BCL6: variants seen among roughly 807,000 people sequenced by gnomAD.
BCL6 encodes B-cell lymphoma 6 protein.
BCL6 carries 7 observed loss-of-function variants against 59.5 expected under a neutral mutation model. The ratio of observed to expected loss-of-function variants is 0.12; its 90% CI spans 0.07 to 0.22. The LOEUF is 0.22. BCL6 is among the 10% of genes least tolerant of loss of function. BCL6 has a pLI of 1.00. For missense variants in BCL6, 685 were observed against 939.4 expected (o/e 0.73, Z 3.54); for synonymous variants, 339 against 349.7 (o/e 0.97, Z 0.34).
Position 187,729,585 on chromosome 3 carries a change from G to A in BCL6, c.820C>T (p.His274Tyr). Reference sequence around the variant, plus strand: ...TTGAGGCCCTCAGCCACACTGTAGTGCATATCACTTCGTGCCTCTTCTGGG... The same window carrying A: ...TTGAGGCCCTCAGCCACACTGTAGTACATATCACTTCGTGCCTCTTCTGGG... ...TIPEEARSDM[H>Y]YSVAEGLKPA... The change falls in exon 5 of 10, where the codon CAC becomes TAC. Residue 274 changes from histidine to tyrosine, a missense_variant. By Grantham distance (83) the His-to-Tyr change is moderately conservative. Coordinates refer to ENST00000406870, the MANE Select transcript of BCL6 (RefSeq NM_001706.5). This position sits in a 1 kb window ranked among gnomAD's most constrained non-coding sequence, Gnocchi z 5.6. 6.2e-7 allele frequency: 1 copy of A among 1,614,136 alleles called. No homozygotes were observed. The highest frequency in any genetic ancestry group is 1.1e-5 in the South Asian group (1 of 91,080).
In BCL6 at chr3:187,745,414, T is replaced by C; in HGVS notation, c.-54A>G. On this transcript the variant is annotated 5_prime_UTR_variant, in exon 1 of 10. Transcript: ENST00000406870. ...GGCAGCAACAGCAATAATCACCTGG[T>C]GTCCGGCCTTTCCTAGAAACTTCTT... 1 of 400,178 alleles carries C rather than the reference T, an allele frequency of 2.5e-6. No homozygotes were observed. The allele number at this position is 400,178 out of a possible 1,614,324, so 24.8% of individuals were successfully genotyped here.
At chr3:187,744,311 C>A (rs1342230426) in intron 1 of BCL6, among the ~76,000 whole-genome samples, 1 of 152,102 alleles carries the variant, frequency 6.6e-6, no homozygotes, top group Non-Finnish European at 1.5e-5. Context: ...AGGTGCAGTG[C>A]GCACCCCTTT....
Position 187,725,371 on chromosome 3 carries a change from C to G in BCL6, c.1839+128G>C, listed in dbSNP as rs1256285688. The G allele has an allele frequency of 6.6e-7, 1 of 1,520,770 alleles. No homozygotes were observed. Among genetic ancestry groups the G allele is most frequent in the Non-Finnish European group, 8.8e-7 (1 of 1,134,226 alleles). The allele number at this position is 1,520,770 out of a possible 1,614,324, so 94.2% of individuals were successfully genotyped here. A position where few individuals can be genotyped will look rare whatever the true frequency, so the allele number is the denominator to read the frequency against. On this transcript the variant is annotated intron_variant, in intron 8 of 9. Coordinates refer to ENST00000406870, the MANE Select transcript of BCL6 (RefSeq NM_001706.5). This position sits in a 1 kb window ranked among gnomAD's most constrained non-coding sequence, Gnocchi z 4.7. ...GGGACTTTCTCCTGCCCGCTCTGCT[C>G]ACCTGCCCGCTCCGCTTGCCTGCCC... is the stretch of plus-strand genomic sequence containing the variant.
chr3:187,725,698 C>T lies in BCL6; in HGVS notation c.1709-69G>A. On this transcript the variant is annotated intron_variant, in intron 7 of 9. Transcript: ENST00000406870. This position sits in a 1 kb window ranked among gnomAD's most constrained non-coding sequence, Gnocchi z 4.7. Reference sequence around the variant, plus strand: ...GGAAGGTCTCTGCAGTCCGTGGCTCCTGGATTTCTAAGCAGCCTGCTCCTC... The same window carrying T: ...GGAAGGTCTCTGCAGTCCGTGGCTCTTGGATTTCTAAGCAGCCTGCTCCTC... 6.3e-7 allele frequency: 1 copy of T among 1,590,382 alleles called. No homozygotes were observed. The highest frequency in any genetic ancestry group is 8.6e-7 in the Non-Finnish European group (1 of 1,165,504).
chr3:187,733,869 T>C (rs1719162431), intron 2 of BCL6, 166 bp from the exon 3 acceptor site: 5 of 695,234 alleles, frequency 7.2e-6, no homozygotes, highest in Non-Finnish European at 1.2e-5. Flanking sequence ...TTATTCTTCA[T>C]AGTTTTAAAA....
intron 1 of BCL6, among the ~76,000 whole-genome samples, chr3:187,744,603 G>T (rs1192581926): frequency 6.6e-6 from 1 of 152,068 alleles, no homozygotes; most frequent in African/African-American, 2.4e-5. Context: ...AACCCAAAGA[G>T]TTCGCTTGCA....
intron 1 of BCL6, among the ~76,000 whole-genome samples, chr3:187,745,058 C>T (rs1191608942): frequency 1.3e-5 from 2 of 151,958 alleles, no homozygotes; most frequent in East Asian, 1.9e-4. Context: ...TTCCAAAAAC[C>T]AAAACAACAC....
chr3:187,745,052 A>G (rs1166860087), intron 1 of BCL6, among the ~76,000 whole-genome samples: 2 of 150,506 alleles, frequency 1.3e-5, no homozygotes, highest in Admixed American at 6.6e-5. Flanking sequence ...CCTCCTTTCC[A>G]AAAACCAAAA....
Position 187,722,456 on chromosome 3 carries a change from C to G in BCL6, c.*2G>C. On this transcript the variant is annotated 3_prime_UTR_variant, in exon 10 of 10. Transcript: ENST00000406870. The stretch of plus-strand genomic sequence containing the variant: ...GAGACGAAAGCATCAACACTCCATG[C>G]TTCAGCAGGCTTTGGGGAGCTCCGG... 1 of 1,611,940 alleles carries G rather than the reference C, an allele frequency of 6.2e-7. No homozygotes were observed. Among genetic ancestry groups the G allele is most frequent in the Non-Finnish European group, 8.5e-7 (1 of 1,179,440 alleles).
Position 187,729,100 on chromosome 3 carries a change from C to T in BCL6, c.1305G>A (p.Gly435=). The change falls in exon 5 of 10, where the codon GGG becomes GGA. Residue 435 remains glycine, a synonymous_variant. Coordinates refer to ENST00000406870, the MANE Select transcript of BCL6 (RefSeq NM_001706.5). The surrounding 1 kb of genome is among the most constrained non-coding windows in gnomAD (Gnocchi z 5.6). ...TGGCTTGTGGGATGGTGGAGTCCTC[C>T]CCGCTGGCACTCAGCTTGGTTGGGG... is the stretch of plus-strand genomic sequence containing the variant. ...LQSPTKLSAS[G]EDSTIPQASR... is the part of the protein sequence containing the mutation. The T allele has an allele frequency of 6.4e-7, 1 of 1,552,490 alleles. No homozygotes were observed. The highest frequency in any genetic ancestry group is 1.2e-5 in the South Asian group (1 of 80,422).
intron 4 of BCL6, among the ~76,000 whole-genome samples, chr3:187,731,107 G>A (rs1719017383): frequency 6.6e-6 from 1 of 152,106 alleles, no homozygotes; most frequent in Non-Finnish European, 1.5e-5. Context: ...TTTAAATGAA[G>A]GTCATGTCTT....
In BCL6 at chr3:187,729,549, G is replaced by A; in HGVS notation, c.856C>T (p.Pro286Ser). 6.2e-7 allele frequency: 1 copy of A among 1,613,948 alleles called. No homozygotes were observed. The highest frequency in any genetic ancestry group is 8.5e-7 in the Non-Finnish European group (1 of 1,180,008). The change falls in exon 5 of 10, where the codon CCC (proline) becomes TCC (serine). Residue 286 changes from proline to serine, a missense_variant. This residue lies in a region of BCL6 where 268 missense variants were observed against 263.8 expected (regional missense o/e 1.02). Coordinates refer to ENST00000406870, the MANE Select transcript of BCL6 (RefSeq NM_001706.5). The surrounding 1 kb of genome is among the most constrained non-coding windows in gnomAD (Gnocchi z 5.6). ...SVAEGLKPAA[P>S]SARNAPYFPC... is the part of the protein sequence containing the mutation. ...AAGTAGGGGGCATTTCGGGCTGAGG[G>A]GGCAGCAGGTTTGAGGCCCTCAGCC...
Position 187,725,625 on chromosome 3 carries a change from C to G in BCL6, c.1713G>C (p.Glu571Asp). 1 of 1,614,226 alleles carries G rather than the reference C, an allele frequency of 6.2e-7. No individual in the cohort carries two copies. Among genetic ancestry groups the G allele is most frequent in the Non-Finnish European group, 8.5e-7 (1 of 1,180,048 alleles). The change falls in exon 8 of 10, where the codon GAG (glutamate) becomes GAC (aspartate). Residue 571 changes from glutamate (E) to aspartate (D), a missense_variant. Glu to Asp is a conservative substitution (Grantham distance 45, BLOSUM62 2). This residue lies in a region of BCL6 where 42 missense variants were observed against 101.7 expected (regional missense o/e 0.41). Coordinates refer to ENST00000406870, the MANE Select transcript of BCL6 (RefSeq NM_001706.5). This position sits in a 1 kb window ranked among gnomAD's most constrained non-coding sequence, Gnocchi z 4.7. ...LASHKTVHTG[E>D]KPYRCNICGA... ...CACAGATGTTGCAACGATAGGGTTTCTCACCTATTACCAAGAAAAAGGGAA... is the reference window on the plus strand; with the variant it reads ...CACAGATGTTGCAACGATAGGGTTTGTCACCTATTACCAAGAAAAAGGGAA...
At chr3:187,728,988 A>C (rs1309708340) in intron 5 of BCL6, 62 bp downstream of exon 5, 1 of 1,501,432 alleles carries the variant, frequency 6.7e-7, no homozygotes, top group East Asian at 2.3e-5. Flanking sequence ...GAAAAGAAGA[A>C]ACGACATGGA....
intron 9 of BCL6, among the ~76,000 whole-genome samples, chr3:187,723,223 T>C (rs930808129): frequency 1.3e-5 from 2 of 152,210 alleles, no homozygotes; most frequent in African/African-American, 4.8e-5. Flanking sequence ...TTTCCTAGGG[T>C]ATATATCCTA....
intron 9 of BCL6, among the ~76,000 whole-genome samples, chr3:187,724,192 C>T (rs1319517160): frequency 6.6e-6 from 1 of 152,158 alleles, no homozygotes; most frequent in Non-Finnish European, 1.5e-5. Context: ...ATAGGCAAAA[C>T]GTACACAGAT....
At position 187,722,537 on chromosome 3, in the gene BCL6, T is replaced by C; in HGVS notation, c.2042A>G (p.His681Arg). ...SQLRLHLRQK[H>R]GAITNTKVQY... The stretch of plus-strand genomic sequence containing the variant: ...CACCTTGGTGTTGGTGATGGCGCCA[T>C]GCTTCTGGCGCAAGTGAAGTCGCAG... Residue 681 changes from histidine to arginine, a missense_variant, in exon 10 of 10, where the codon CAT becomes CGT. Coordinates refer to ENST00000406870, the MANE Select transcript of BCL6 (RefSeq NM_001706.5). 6.2e-7 allele frequency: 1 copy of C among 1,614,028 alleles called. No individual in the cohort carries two copies. The highest frequency in any genetic ancestry group is 1.3e-5 in the African/African-American group (1 of 75,058).
chr3:187,744,825 T>A (rs527315045), intron 1 of BCL6, among the ~76,000 whole-genome samples: 1 of 152,042 alleles, frequency 6.6e-6, no homozygotes, highest in Admixed American at 6.5e-5. Flanking sequence ...AGGAAAGCAG[T>A]TTGCAAGCGA....
chr3:187,722,503 G>T lies in BCL6; in HGVS notation c.2076C>A (p.Arg692=). 6.2e-7 allele frequency: 1 copy of T among 1,613,878 alleles called. No individual in the cohort carries two copies. Among genetic ancestry groups the T allele is most frequent in the South Asian group, 1.1e-5 (1 of 91,036 alleles). The change falls in exon 10 of 10, where the codon CGC becomes CGA. Residue 692 remains arginine (R), a synonymous_variant. Transcript: ENST00000406870. ...CCGGAGGCAGGTCAGTGGCTGACACGCGGTATTGCACCTTGGTGTTGGTGA... is the reference window on the plus strand; with the variant it reads ...CCGGAGGCAGGTCAGTGGCTGACACTCGGTATTGCACCTTGGTGTTGGTGA... ...GAITNTKVQY[R]VSATDLPPEL... is the part of the protein sequence containing the mutation.
Sources: gnomAD v4.1 joint callset for allele counts (sites outside exome capture counted in the v4.1 genomes callset) on GRCh38, gnomAD v4.1.1 for gene constraint, gnomAD v4.1.1 regional missense constraint, Gnocchi (gnomAD v3.1) non-coding constraint, MANE v1.5 for transcripts, NCBI Gene and HGNC (gene_info 2026-07-23, HGNC 2026-07-21) for gene names.